ZNF385B: variants seen among roughly 807,000 people sequenced by gnomAD.
ZNF385B encodes zinc finger protein 533.
ZNF385B carries 23 observed loss-of-function variants against 39.2 expected under a neutral mutation model. The observed-to-expected ratio is 0.59, with a 90% CI of 0.42 to 0.83. The LOEUF (loss-of-function observed/expected upper bound fraction) is 0.83, where lower values mean the gene tolerates loss of function less well. Ranked by LOEUF, ZNF385B falls within the 40% of genes least tolerant of loss-of-function variation. The probability of loss-of-function intolerance (pLI) is 0.00; values close to 1 mark genes in which losing one functional copy is unlikely to be tolerated. For synonymous variants in ZNF385B, 205 were observed against 222.6 expected (o/e 0.92, Z 0.70); for missense variants, 552 against 598.9 (o/e 0.92, Z 0.82).
chr2:179,748,358 A>G (rs1189340949), intron 3 of ZNF385B, among the ~76,000 whole-genome samples: 3 of 152,146 alleles, frequency 2.0e-5, no homozygotes, highest in Admixed American at 6.6e-5. Context: ...CACTTGACAT[A>G]AGTATTTTTT....
At chr2:179,568,240 T>G (rs1684814106) in intron 3 of ZNF385B, among the ~76,000 whole-genome samples, 1 of 152,200 alleles carries the variant, frequency 6.6e-6, no homozygotes, top group South Asian at 2.1e-4. Flanking sequence ...CAGTTGTGCC[T>G]CAGCTCAGTT....
intron 5 of ZNF385B, among the ~76,000 whole-genome samples, chr2:179,496,839 AG>A (rs1387386957): frequency 6.6e-6 from 1 of 152,242 alleles, no homozygotes; most frequent in Non-Finnish European, 1.5e-5. Flanking sequence ...ACTTGAGGCC[AG>A]GTGTTCGAGA....
chr2:179,676,976 C>T (rs1696920108), intron 3 of ZNF385B, among the ~76,000 whole-genome samples: 1 of 152,102 alleles, frequency 6.6e-6, no homozygotes, highest in Non-Finnish European at 1.5e-5. Flanking sequence ...AAATAAAATG[C>T]AATGAACACA....
At chr2:179,843,008 C>A (rs1708618855) in intron 1 of ZNF385B, among the ~76,000 whole-genome samples, 1 of 152,136 alleles carries the variant, frequency 6.6e-6, no homozygotes, top group African/African-American at 2.4e-5. Context: ...ACCGCCCCCA[C>A]CCCAAAACTC....
At chr2:179,620,447 G>A (rs1690116692) in intron 3 of ZNF385B, among the ~76,000 whole-genome samples, 1 of 151,926 alleles carries the variant, frequency 6.6e-6, no homozygotes, top group South Asian at 2.1e-4. Context: ...TTAGTCATTG[G>A]TAATTATAAA....
intron 3 of ZNF385B, among the ~76,000 whole-genome samples, chr2:179,604,780 G>C (rs1574958341): frequency 6.6e-6 from 1 of 152,174 alleles, no homozygotes; most frequent in Admixed American, 6.5e-5. Flanking sequence ...GTGGTTTCTG[G>C]AGGGAATGTC....
intron 3 of ZNF385B, among the ~76,000 whole-genome samples, chr2:179,627,507 C>A (rs3112961): frequency 1.3e-5 from 2 of 152,190 alleles, no homozygotes; most frequent in South Asian, 4.2e-4. Flanking sequence ...CACTTTAGAG[C>A]TGGGATCTTA....
intron 3 of ZNF385B, among the ~76,000 whole-genome samples, chr2:179,688,873 T>C (rs1698135542): frequency 6.6e-6 from 1 of 152,208 alleles, no homozygotes; most frequent in Admixed American, 6.5e-5. Context: ...TACAATTTTA[T>C]CGTCAATTAT....
At chr2:179,856,181 A>G (rs1438511257) in intron 1 of ZNF385B, among the ~76,000 whole-genome samples, 2 of 152,212 alleles carry the variant, frequency 1.3e-5, no homozygotes, top group Non-Finnish European at 2.9e-5. Flanking sequence ...ACCAGGGAAT[A>G]TTCATTTTCT....
chr2:179,611,527 G>T (rs1202077248), intron 3 of ZNF385B, among the ~76,000 whole-genome samples: 1 of 152,154 alleles, frequency 6.6e-6, no homozygotes, highest in Non-Finnish European at 1.5e-5. Context: ...TCTTTGACTG[G>T]TTTTTGTATC....
chr2:179,481,260 A>G (rs910641296), intron 6 of ZNF385B: 3 of 152,130 alleles, frequency 2.0e-5, no homozygotes, highest in African/African-American at 4.8e-5. Flanking sequence ...CTTTATTTCA[A>G]AATATACTCA....
intron 3 of ZNF385B, among the ~76,000 whole-genome samples, chr2:179,726,345 C>T (rs893168823): frequency 2.0e-5 from 3 of 151,940 alleles, no homozygotes; most frequent in East Asian, 1.9e-4. Context: ...CTTCTATCAT[C>T]GGCCCATTCC....
chr2:179,680,298 T>C (rs28615198), intron 3 of ZNF385B, among the ~76,000 whole-genome samples: 17,238 of 152,194 alleles, frequency 0.11, 1,368 homozygotes, highest in African/African-American at 0.22. Context: ...GATTATAGTA[T>C]ATTTGAAATA....
intron 3 of ZNF385B, among the ~76,000 whole-genome samples, chr2:179,713,393 T>C (rs1256262994): frequency 6.6e-6 from 1 of 152,182 alleles, no homozygotes; most frequent in African/African-American, 2.4e-5. Flanking sequence ...CATCACACTT[T>C]CTCCTTCTCC....
intron 3 of ZNF385B, among the ~76,000 whole-genome samples, chr2:179,678,552 G>A (rs1206571624): frequency 6.6e-6 from 1 of 152,166 alleles, no homozygotes; most frequent in African/African-American, 2.4e-5. Flanking sequence ...AGATATCAGA[G>A]CAAAAGAAAG....
intron 1 of ZNF385B, among the ~76,000 whole-genome samples, chr2:179,771,430 T>G (rs1201310179): frequency 6.6e-6 from 1 of 152,232 alleles, no homozygotes; most frequent in Non-Finnish European, 1.5e-5. Flanking sequence ...AAAACCTACT[T>G]GTCCCTTTTA....
chr2:179,445,611 T>C lies in ZNF385B; in HGVS notation c.1079A>G (p.Asn360Ser). The change falls in exon 8 of 10, where the codon AAC becomes AGC. Residue 360 changes from asparagine (N) to serine (S), a missense_variant. Physicochemically the swap from Asn to Ser is conservative, Grantham distance 46. Transcript: ENST00000410066. ...ACAGATTTCACAATGAAATGTCTTG[T>C]TCTGTAGTCCTGACCCCTTACTGCC... ...QNGSKGSGLQ[N>S]KTFHCEICDV... The C allele has an allele frequency of 6.2e-7, 1 of 1,613,976 alleles. No individual in the cohort carries two copies.
At chr2:179,716,243 C>T (rs970246014) in intron 3 of ZNF385B, among the ~76,000 whole-genome samples, 1 of 152,144 alleles carries the variant, frequency 6.6e-6, no homozygotes, top group Non-Finnish European at 1.5e-5. Flanking sequence ...AGAGGAGAGG[C>T]ATCATGAAAT....
intron 5 of ZNF385B, 35 bp downstream of exon 5, chr2:179,518,493 C>G (rs911282788): frequency 6.9e-7 from 1 of 1,452,140 alleles, no homozygotes; most frequent in East Asian, 2.4e-5. Flanking sequence ...TTAGCTCTGA[C>G]AAACTACAGA....
Sources: gnomAD v4.1 joint callset for allele counts (sites outside exome capture counted in the v4.1 genomes callset) on GRCh38, gnomAD v4.1.1 for gene constraint, MANE v1.5 for transcripts, NCBI Gene and HGNC (gene_info 2026-07-23, HGNC 2026-07-21) for gene names.